The following NECAB1 variants were observed in gnomAD, a reference collection of about 807,000 sequenced individuals.
NECAB1 encodes N-terminal EF-hand calcium-binding protein 1.
Under a neutral mutation model 57.5 loss-of-function variants are expected in NECAB1, and 29 were observed. That is an observed-to-expected ratio of 0.50 (90% CI 0.38 to 0.69). The LOEUF is 0.69. Ranked by LOEUF, NECAB1 falls within the 30% of genes least tolerant of loss-of-function variation. The pLI is 0.00. For missense variants in NECAB1, 372 were observed against 413.8 expected (o/e 0.90, Z 0.88); for synonymous variants, 142 against 147.7 (o/e 0.96, Z 0.28).
At chr8:90,800,605 G>C (rs1247042433) in intron 1 of NECAB1, among the ~76,000 whole-genome samples, 1 of 152,198 alleles carries the variant, frequency 6.6e-6, no homozygotes, top group African/African-American at 2.4e-5. Flanking sequence ...CGTGGATACT[G>C]AGCATTAGGA....
At chr8:90,798,000 G>A (rs1241105895) in intron 1 of NECAB1, among the ~76,000 whole-genome samples, 2 of 152,150 alleles carry the variant, frequency 1.3e-5, no homozygotes, top group African/African-American at 4.8e-5. Context: ...AGGTGAGAAG[G>A]GCGAAATCAA....
chr8:90,914,699 T>C (rs1283152912), intron 5 of NECAB1, among the ~76,000 whole-genome samples: 1 of 152,200 alleles, frequency 6.6e-6, no homozygotes, highest in African/African-American at 2.4e-5. Flanking sequence ...AACTTTCTGA[T>C]TTGCTATGGT....
chr8:90,923,734 T>C (rs1331705409), intron 6 of NECAB1, among the ~76,000 whole-genome samples: 1 of 152,210 alleles, frequency 6.6e-6, no homozygotes, highest in East Asian at 1.9e-4. Context: ...GATAGAATGC[T>C]TTAAAAATAA....
chr8:90,917,491 G>C lies in NECAB1; in HGVS notation c.358-1G>C. On this transcript the variant is annotated splice_acceptor_variant, in intron 5 of 12. Transcript: ENST00000417640. LOFTEE classifies it high-confidence loss of function. ...AATTGCATTTGTTTTGTCACCCTTAGGACTACCAAGAAGCCTCCAATTTGG... is the reference window on the plus strand; with the variant it reads ...AATTGCATTTGTTTTGTCACCCTTACGACTACCAAGAAGCCTCCAATTTGG... The C allele has an allele frequency of 6.2e-7, 1 of 1,605,392 alleles. No individual in the cohort carries two copies. Among genetic ancestry groups the C allele is most frequent in the Non-Finnish European group, 8.5e-7 (1 of 1,175,194 alleles).
intron 10 of NECAB1, among the ~76,000 whole-genome samples, chr8:90,944,580 C>T (rs1370064440): frequency 6.6e-6 from 1 of 152,174 alleles, no homozygotes; most frequent in Non-Finnish European, 1.5e-5. Context: ...ACGGTATGTT[C>T]TCAGAACCAT....
Position 90,869,695 on chromosome 8 carries a change from G to A in NECAB1, c.234-2433G>A, listed in dbSNP as rs545111423. ...GTGCCTGTACCCCCATTGTATCTTG[G>A]AAGTAAGTAATTTGTTTTTGATTTT... On this transcript the variant is annotated intron_variant, in intron 3 of 12. Coordinates refer to ENST00000417640, the MANE Select transcript of NECAB1 (RefSeq NM_022351.5). 2.0e-5 allele frequency among the ~76,000 whole-genome samples: 3 copies of A among 152,318 alleles called. No individual in the cohort carries two copies. In the East Asian group the frequency reaches 5.8e-4, roughly 29 times the overall value.
At position 90,807,635 on chromosome 8, in the gene NECAB1, C is replaced by T. The variant is rs78037016; in HGVS notation, c.124+5920C>T. On this transcript the variant is annotated intron_variant, in intron 2 of 12. Coordinates refer to ENST00000417640, the MANE Select transcript of NECAB1 (RefSeq NM_022351.5). ...CAGGTAAAATGTAAAGATTAAGGGC[C>T]GGGCCCTAGAAATGAGGGACATTGA... is the stretch of plus-strand genomic sequence containing the variant. Among the ~76,000 whole-genome samples the T allele has an allele frequency of 3.7e-3, 570 of 152,176 alleles. 4 individuals are homozygous for T. The highest frequency in any genetic ancestry group is 0.013 in the African/African-American group (547 of 41,512).
intron 1 of NECAB1, among the ~76,000 whole-genome samples, chr8:90,794,017 A>G (rs1811619330): frequency 1.3e-5 from 2 of 152,174 alleles, no homozygotes; most frequent in Non-Finnish European, 1.5e-5. Context: ...TGCCTTTTAT[A>G]TTTCAGAGAT....
intron 1 of NECAB1, among the ~76,000 whole-genome samples, chr8:90,798,619 G>A (rs1228687445): frequency 1.3e-5 from 2 of 152,132 alleles, no homozygotes; most frequent in African/African-American, 4.8e-5. Context: ...TCACTGCAAA[G>A]GACATTATCT....
intron 5 of NECAB1, among the ~76,000 whole-genome samples, chr8:90,896,526 AC>A (rs1809339513): frequency 6.6e-6 from 1 of 151,452 alleles, no homozygotes; most frequent in South Asian, 2.1e-4. Context: ...AATGGCGGGA[AC>A]CCGGGAGGCG....
At chr8:90,943,140 A>G (rs1199840195) in intron 10 of NECAB1, among the ~76,000 whole-genome samples, 3 of 152,216 alleles carry the variant, frequency 2.0e-5, no homozygotes, top group African/African-American at 7.2e-5. Flanking sequence ...CCCCAGGGAA[A>G]GGGAAACAGG....
chr8:90,853,955 G>T (rs1156536732), intron 3 of NECAB1, among the ~76,000 whole-genome samples: 1 of 152,048 alleles, frequency 6.6e-6, no homozygotes, highest in Non-Finnish European at 1.5e-5. Flanking sequence ...AAAAGGAATT[G>T]GTTAACAGGA....
chr8:90,856,877 T>C (rs138996716), intron 3 of NECAB1, among the ~76,000 whole-genome samples: 260 of 152,292 alleles, frequency 1.7e-3, no homozygotes, highest in African/African-American at 5.9e-3. Context: ...CGATTTCCTC[T>C]GAACTAAGTA....
At chr8:90,854,916 A>G (rs1374849887) in intron 3 of NECAB1, among the ~76,000 whole-genome samples, 1 of 152,202 alleles carries the variant, frequency 6.6e-6, no homozygotes, top group African/African-American at 2.4e-5. Flanking sequence ...AGAGTCCTCT[A>G]GTTACCCTGG....
intron 2 of NECAB1, among the ~76,000 whole-genome samples, chr8:90,805,616 CAAATTTTTAGAAATATAAAACTTCTGAGG>C: frequency 6.6e-6 from 1 of 150,686 alleles, no homozygotes; most frequent in Non-Finnish European, 1.5e-5. Flanking sequence ...AACCCAAATT[CAAATTTTTAGAAATATAAAACTTCTGAGG>C]AAGCTTATTT....
At chr8:90,849,076 T>C (rs1288051135) in intron 3 of NECAB1, among the ~76,000 whole-genome samples, 2 of 152,166 alleles carry the variant, frequency 1.3e-5, no homozygotes, top group Non-Finnish European at 2.9e-5. Flanking sequence ...CATATGGGGA[T>C]TATGGAAGCT....
At chr8:90,829,751 C>G (rs1043538082) in intron 3 of NECAB1, among the ~76,000 whole-genome samples, 3 of 152,042 alleles carry the variant, frequency 2.0e-5, no homozygotes, top group African/African-American at 7.2e-5. Context: ...GAGCATAGTC[C>G]ATCTTGAGCT....
intron 3 of NECAB1, among the ~76,000 whole-genome samples, chr8:90,847,529 TTGTG>T (rs1291328157): frequency 6.6e-6 from 1 of 152,222 alleles, no homozygotes; most frequent in East Asian, 1.9e-4. Context: ...GGTGGGGACT[TTGTG>T]TGGGGGCTAC....
intron 6 of NECAB1, among the ~76,000 whole-genome samples, chr8:90,923,163 T>C (rs1279888094): frequency 1.3e-5 from 2 of 152,124 alleles, no homozygotes; most frequent in African/African-American, 4.8e-5. Context: ...AGGGCTGATA[T>C]ATTGTTGGAA....
Sources: gnomAD v4.1 joint callset for allele counts (sites outside exome capture counted in the v4.1 genomes callset) on GRCh38, gnomAD v4.1.1 for gene constraint, MANE v1.5 for transcripts, NCBI Gene and HGNC (gene_info 2026-07-23, HGNC 2026-07-21) for gene names.